The following ALK variants were observed in gnomAD, a reference collection of about 807,000 sequenced individuals.
ALK encodes ALK receptor tyrosine kinase.
Under a neutral mutation model 163.1 loss-of-function variants are expected in ALK, and 74 were observed. The observed-to-expected ratio is 0.45, with a 90% CI of 0.38 to 0.55. ALK has a LOEUF of 0.55. Ranked by LOEUF, ALK falls within the 20% of genes least tolerant of loss-of-function variation. The pLI, the probability that ALK is intolerant of heterozygous loss-of-function variation, is 0.00. For missense variants in ALK, 2,063 were observed against 2,105.3 expected, an observed-to-expected ratio of 0.98 and a Z score of 0.39; for synonymous variants, 960 against 843.2, an observed-to-expected ratio of 1.14 and a Z score of -2.40.
At chr2:29,219,293 A>AAGAC (rs1296089093) in intron 23 of ALK, among the ~76,000 whole-genome samples, 1 of 152,172 alleles carries the variant, frequency 6.6e-6, no homozygotes, top group African/African-American at 2.4e-5. Flanking sequence ...CTCAAGGGGT[A>AAGAC]AGACAGTATT....
intron 3 of ALK, among the ~76,000 whole-genome samples, chr2:29,626,942 C>T (rs1676210194): frequency 1.3e-5 from 2 of 152,200 alleles, no homozygotes; most frequent in Admixed American, 6.5e-5. Context: ...GTTCCTTCCC[C>T]AGCTGCCAAA....
At chr2:29,383,580 G>A (rs1668957751) in intron 5 of ALK, 152 bp downstream of exon 5, 5 of 1,000,136 alleles carry the variant, frequency 5.0e-6, no homozygotes, top group Middle Eastern at 6.0e-4. Context: ...GCCTCCCAAA[G>A]TGCTGGGATT....
intron 4 of ALK, among the ~76,000 whole-genome samples, chr2:29,464,440 C>T (rs1338247491): frequency 6.6e-6 from 1 of 152,086 alleles, no homozygotes. Context: ...TCATAATATA[C>T]TGGCAAATGG....
chr2:29,264,961 C>T (rs1005002651), intron 11 of ALK, among the ~76,000 whole-genome samples: 1 of 152,252 alleles, frequency 6.6e-6, no homozygotes, highest in Non-Finnish European at 1.5e-5. Flanking sequence ...CACCAGCCCA[C>T]ACTCATACAT....
rs1297343779 is a variant in ALK, at chr2:29,345,455, TAAA to T, written c.1283-16977_1283-16975del. Among the ~76,000 whole-genome samples the T allele has an allele frequency of 1.7e-4, 25 of 148,880 alleles. 1 individual carries two copies. In the South Asian group the frequency reaches 5.3e-3, roughly 31 times the overall value. ...ATAAATAAATAAATAAATAAATAAA[TAAA>T]AATAATACTCAGTCCTAGCAAGGAT... On this transcript the variant is annotated intron_variant, in intron 5 of 28. Coordinates refer to ENST00000389048, the MANE Select transcript of ALK (RefSeq NM_004304.5).
intron 4 of ALK, among the ~76,000 whole-genome samples, chr2:29,419,305 C>T (rs1436727916): frequency 1.3e-5 from 2 of 151,456 alleles, no homozygotes; most frequent in Admixed American, 6.6e-5. Flanking sequence ...CCACCCACCT[C>T]GGCTTCCCAA....
chr2:29,383,916 G>A, intron 4 of ALK, 57 bp from the exon 5 acceptor site: 2 of 1,609,528 alleles, frequency 1.2e-6, no homozygotes, highest in Non-Finnish European at 1.7e-6. Flanking sequence ...TGAGAATTAG[G>A]CCTAACATGT....
chr2:29,560,746 A>AT (rs775382327), intron 3 of ALK, among the ~76,000 whole-genome samples: 23 of 151,812 alleles, frequency 1.5e-4, no homozygotes, highest in Admixed American at 8.5e-4. Context: ...TAATTTTGGT[A>AT]TTTTTTATAG....
chr2:29,370,459 C>T (rs559026171), intron 5 of ALK, among the ~76,000 whole-genome samples: 176 of 152,326 alleles, frequency 1.2e-3, no homozygotes, highest in Non-Finnish European at 1.9e-3. Flanking sequence ...ACTTGGGCTG[C>T]CCGTCCCTGT....
In ALK at chr2:29,774,938, A is replaced by G. The variant is rs139963786; in HGVS notation, c.668-57241T>C. Among the ~76,000 whole-genome samples the G allele has an allele frequency of 6.1e-4, 93 of 152,314 alleles. 1 individual carries two copies. Among genetic ancestry groups the G allele is most frequent in the African/African-American group, 2.1e-3 (88 of 41,564 alleles). On this transcript the variant is annotated intron_variant, in intron 1 of 28. Transcript: ENST00000389048. ...CTGAATCGGGGATGGGTTAATGTAA[A>G]TTTATATAGTTGTTCATTCTATAAT...
intron 1 of ALK, among the ~76,000 whole-genome samples, chr2:29,918,510 G>A (rs1667894458): frequency 6.6e-6 from 1 of 152,182 alleles, no homozygotes; most frequent in Non-Finnish European, 1.5e-5. Flanking sequence ...ACTCATCAGT[G>A]CCTCTTAGGA....
chr2:29,787,395 G>A (rs1229545983), intron 1 of ALK, among the ~76,000 whole-genome samples: 1 of 152,152 alleles, frequency 6.6e-6, no homozygotes, highest in Non-Finnish European at 1.5e-5. Flanking sequence ...GTCACAAAGG[G>A]CAATCCAAGG....
In ALK at chr2:29,214,022, A is replaced by C. The variant is rs2148159389; in HGVS notation, c.3705T>G (p.Cys1235Trp). 1.2e-6 allele frequency: 2 copies of C among 1,614,108 alleles called. No individual in the cohort carries two copies. Among genetic ancestry groups the C allele is most frequent in the Non-Finnish European group, 8.5e-7 (1 of 1,179,974 alleles). The change falls in exon 24 of 29, where the codon TGT becomes TGG. Residue 1235 changes from cysteine (C) to tryptophan (W), a missense_variant. By Grantham distance (215) the Cys-to-Trp change is radical. Around this residue, in one of 5 missense-constraint regions of ALK, gnomAD observed 83 missense variants for 139.7 expected, o/e 0.59. Transcript: ENST00000389048. ...DLLHVARDIACGCQYLEENHF... is the reference protein window; with the variant it reads ...DLLHVARDIAWGCQYLEENHF... ...GGTTTTCCTCCAAATACTGACAGCC[A>C]CAGGCAATGTCCCGAGCCACGTGCA...
intron 3 of ALK, among the ~76,000 whole-genome samples, chr2:29,557,725 T>C (rs577840275): frequency 5.3e-5 from 8 of 152,206 alleles, no homozygotes; most frequent in Admixed American, 1.3e-4. Flanking sequence ...AGGGAATATA[T>C]AATATAGTGT....
chr2:29,358,906 T>C (rs1172179620), intron 5 of ALK, among the ~76,000 whole-genome samples: 1 of 152,172 alleles, frequency 6.6e-6, no homozygotes, highest in African/African-American at 2.4e-5. Flanking sequence ...CGTTCGTAAA[T>C]GATTAATAAA....
Position 29,529,142 on chromosome 2 carries a change from GCACGACAGCCGGCACCACCTGCT to G in ALK, c.1154+2750_1154+2772del, listed in dbSNP as rs796105648. ...AGTCTGCTGCTCCTGCCCCACCCGT[GCACGACAGCCGGCACCACCTGCT>G]CACGACACAGTGGTTTCCGGGGAAC... is the stretch of plus-strand genomic sequence containing the variant. On this transcript the variant is annotated intron_variant, in intron 4 of 28. Transcript: ENST00000389048. Among the ~76,000 whole-genome samples the G allele has an allele frequency of 2.2e-4, 33 of 152,274 alleles. 1 individual carries two copies. The highest frequency in any genetic ancestry group is 7.5e-4 in the African/African-American group (31 of 41,548).
chr2:29,445,349 T>C (rs894923060), intron 4 of ALK, among the ~76,000 whole-genome samples: 1 of 152,162 alleles, frequency 6.6e-6, no homozygotes, highest in African/African-American at 2.4e-5. Flanking sequence ...GCTGCTTATA[T>C]TTTCACCCCA....
At chr2:29,746,242 T>C (rs1680206099) in intron 1 of ALK, among the ~76,000 whole-genome samples, 2 of 152,216 alleles carry the variant, frequency 1.3e-5, no homozygotes, top group Non-Finnish European at 2.9e-5. Context: ...CTGCCAACTA[T>C]GGGTTTCTTT....
intron 1 of ALK, among the ~76,000 whole-genome samples, chr2:29,901,890 G>C (rs1258986165): frequency 2.0e-5 from 3 of 152,136 alleles, no homozygotes; most frequent in Admixed American, 6.5e-5. Flanking sequence ...TTAGGGGTAG[G>C]GGGTGTGGAT....
Sources: allele counts gnomAD v4.1 joint callset (sites outside exome capture counted in the v4.1 genomes callset), GRCh38; gene constraint gnomAD v4.1.1; regional missense constraint gnomAD v4.1.1; transcripts MANE v1.5; gene names NCBI Gene and HGNC (gene_info 2026-07-23, HGNC 2026-07-21).